Variants in SPOCK3 observed in about 807,000 individuals in gnomAD.
The protein encoded by SPOCK3 is testican-3.
SPOCK3 carries 30 observed loss-of-function variants against 56.6 expected under a neutral mutation model. That is an observed-to-expected ratio of 0.53 (90% CI 0.40 to 0.72). The LOEUF (loss-of-function observed/expected upper bound fraction) is 0.72, where lower values mean the gene tolerates loss of function less well. Ranked by LOEUF, SPOCK3 falls within the 30% of genes least tolerant of loss-of-function variation. The pLI is 0.00. For synonymous variants in SPOCK3, 196 were observed against 183.3 expected, an observed-to-expected ratio of 1.07 and a Z score of -0.56; for missense variants, 527 against 530.0, an observed-to-expected ratio of 0.99 and a Z score of 0.06.
intron 4 of SPOCK3, among the ~76,000 whole-genome samples, chr4:166,922,533 TCA>T (rs1738613579): frequency 6.6e-6 from 1 of 152,148 alleles, no homozygotes; most frequent in Non-Finnish European, 1.5e-5. Flanking sequence ...CAATTTATAC[TCA>T]CACTCCCCTA....
intron 6 of SPOCK3, among the ~76,000 whole-genome samples, chr4:166,852,183 A>C (rs1038161428): frequency 3.9e-5 from 6 of 152,040 alleles, no homozygotes; most frequent in African/African-American, 1.4e-4. Flanking sequence ...GCATTGGGAG[A>C]TATGCCTAAT....
intron 3 of SPOCK3, among the ~76,000 whole-genome samples, chr4:167,020,525 T>C (rs190387937): frequency 6.6e-6 from 1 of 152,142 alleles, no homozygotes; most frequent in African/African-American, 2.4e-5. Flanking sequence ...AAAGGGCTTT[T>C]GGGTGTGAGT....
intron 8 of SPOCK3, 62 bp from the exon 9 acceptor site, chr4:166,742,121 TA>T: frequency 8.1e-7 from 1 of 1,233,242 alleles, no homozygotes; most frequent in Non-Finnish European, 1.2e-6. Context: ...GTGTAATTTC[TA>T]TGTTATCAAA....
chr4:166,851,852 G>A (rs1382731482), intron 6 of SPOCK3, among the ~76,000 whole-genome samples: 1 of 151,906 alleles, frequency 6.6e-6, no homozygotes, highest in East Asian at 1.9e-4. Context: ...GCACACGTAT[G>A]TTTATTGCGG....
chr4:166,737,135 G>A (rs1734293334), intron 10 of SPOCK3, among the ~76,000 whole-genome samples: 1 of 152,104 alleles, frequency 6.6e-6, no homozygotes, highest in African/African-American at 2.4e-5. Flanking sequence ...GATAAATAGA[G>A]TTTATTGACT....
chr4:166,751,671 A>G (rs1003008089), intron 8 of SPOCK3, among the ~76,000 whole-genome samples: 2 of 152,170 alleles, frequency 1.3e-5, no homozygotes, highest in Non-Finnish European at 2.9e-5. Flanking sequence ...GTGGAGCTGA[A>G]TAAATGTTAG....
chr4:167,115,229 CT>C (rs1477516201), intron 2 of SPOCK3, among the ~76,000 whole-genome samples: 3 of 151,104 alleles, frequency 2.0e-5, no homozygotes, highest in Non-Finnish European at 4.4e-5. Context: ...TCTGTGGCGG[CT>C]TTTATGCTAA....
At chr4:166,889,750 G>C (rs1435698018) in intron 5 of SPOCK3, among the ~76,000 whole-genome samples, 1 of 151,644 alleles carries the variant, frequency 6.6e-6, no homozygotes, top group African/African-American at 2.4e-5. Flanking sequence ...GTATCCCCCA[G>C]GCAAAGAATT....
chr4:166,964,688 T>C (rs970249943), intron 4 of SPOCK3, among the ~76,000 whole-genome samples: 2 of 151,664 alleles, frequency 1.3e-5, no homozygotes, highest in East Asian at 1.9e-4. Context: ...TCTACTAGGC[T>C]TGCCAAAATA....
At chr4:166,997,694 G>A (rs1748529903) in intron 4 of SPOCK3, among the ~76,000 whole-genome samples, 1 of 152,154 alleles carries the variant, frequency 6.6e-6, no homozygotes, top group Non-Finnish European at 1.5e-5. Flanking sequence ...TATTACAAAT[G>A]TTGTGAGCAC....
At chr4:166,969,754 G>A (rs1000869832) in intron 4 of SPOCK3, among the ~76,000 whole-genome samples, 4 of 152,096 alleles carry the variant, frequency 2.6e-5, no homozygotes, top group Non-Finnish European at 4.4e-5. Context: ...ATTTATAGCA[G>A]GGTGAGAATA....
At chr4:166,873,397 A>T (rs933168143) in intron 6 of SPOCK3, among the ~76,000 whole-genome samples, 1 of 152,222 alleles carries the variant, frequency 6.6e-6, no homozygotes, top group Non-Finnish European at 1.5e-5. Flanking sequence ...TAAACTATGA[A>T]CTTTGGGTGA....
chr4:166,992,401 C>T (rs1747889132), intron 4 of SPOCK3, among the ~76,000 whole-genome samples: 1 of 152,064 alleles, frequency 6.6e-6, no homozygotes, highest in African/African-American at 2.4e-5. Context: ...AGCTAATAAA[C>T]AATCATAGTT....
At chr4:166,977,294 T>A (rs1436789566) in intron 4 of SPOCK3, among the ~76,000 whole-genome samples, 2 of 152,108 alleles carry the variant, frequency 1.3e-5, no homozygotes, top group Non-Finnish European at 2.9e-5. Context: ...TCTTGTTTTG[T>A]AGAGTCAATT....
Position 166,742,916 on chromosome 4 carries a change from C to T in SPOCK3, c.932-857G>A, listed in dbSNP as rs7667124. On this transcript the variant is annotated intron_variant, in intron 8 of 10. Transcript: ENST00000357545. The stretch of plus-strand genomic sequence containing the variant: ...TTCTGCATTTATAGATTCAACCAAC[C>T]GCTAATTGAAAATTTTCAAAAAATA... Among the ~76,000 whole-genome samples, 508 of 152,006 alleles carry T rather than the reference C, an allele frequency of 3.3e-3. 3 individuals are homozygous for T. The highest frequency in any genetic ancestry group is 0.011 in the African/African-American group (462 of 41,478).
chr4:167,060,448 G>T (rs1348279474), intron 3 of SPOCK3, among the ~76,000 whole-genome samples: 1 of 151,888 alleles, frequency 6.6e-6, no homozygotes, highest in African/African-American at 2.4e-5. Context: ...GGATTATTTT[G>T]CTCACTCCTC....
At chr4:166,983,011 C>A (rs900285224) in intron 4 of SPOCK3, among the ~76,000 whole-genome samples, 8 of 151,604 alleles carry the variant, frequency 5.3e-5, no homozygotes, top group Admixed American at 3.3e-4. Flanking sequence ...AAGAATTGTA[C>A]AACTATATTG....
rs530681085 is a variant in SPOCK3 at position 167,161,526 on chromosome 4, C to A, written c.189+72459G>T. Among the ~76,000 whole-genome samples the A allele has an allele frequency of 8.6e-5, 13 of 152,006 alleles. No individual in the cohort carries two copies. In the East Asian group the frequency reaches 2.5e-3, roughly 29 times the overall value. Reference sequence around the variant, plus strand: ...AACTAGAAATACCATTTGACCCAGCCATCCCATTACTGGGTATATACCCAA... The same window carrying A: ...AACTAGAAATACCATTTGACCCAGCAATCCCATTACTGGGTATATACCCAA... On this transcript the variant is annotated intron_variant, in intron 2 of 10. Transcript: ENST00000357545.
rs373841732 is a variant in SPOCK3 at position 167,047,336 on chromosome 4, A to C, written c.235+15156T>G. On this transcript the variant is annotated intron_variant, in intron 3 of 10. Coordinates refer to ENST00000357545, the MANE Select transcript of SPOCK3 (RefSeq NM_001040159.2). Reference sequence around the variant, plus strand: ...GAAAGTTAAAGATTTAAAAATCAGGAAAGTACTATTTTGCTTTTGACTGAA... The same window carrying C: ...GAAAGTTAAAGATTTAAAAATCAGGCAAGTACTATTTTGCTTTTGACTGAA... 5.9e-5 allele frequency among the ~76,000 whole-genome samples: 9 copies of C among 152,326 alleles called. No individual in the cohort carries two copies. In the East Asian group the frequency reaches 1.4e-3, roughly 23 times the overall value.
Sources: gnomAD v4.1 joint callset for allele counts (sites outside exome capture counted in the v4.1 genomes callset) on GRCh38, gnomAD v4.1.1 for gene constraint, MANE v1.5 for transcripts, NCBI Gene and HGNC (gene_info 2026-07-23, HGNC 2026-07-21) for gene names.